Variants in FREM2 observed in about 807,000 individuals in gnomAD.
The protein encoded by FREM2 is FRAS1 related extracellular matrix 2.
FREM2 carries 119 observed loss-of-function variants against 219.9 expected under a neutral mutation model. The ratio of observed to expected loss-of-function variants is 0.54; its 90% CI spans 0.47 to 0.63. FREM2 has a LOEUF of 0.63. FREM2 is among the 30% of genes least tolerant of loss of function. The pLI, the probability that FREM2 is intolerant of heterozygous loss-of-function variation, is 0.00. For synonymous variants in FREM2, 1,562 were observed against 1,522.8 expected (o/e 1.03, Z -0.60); for missense variants, 4,030 against 3,993.6 (o/e 1.01, Z -0.25).
intron 2 of FREM2, among the ~76,000 whole-genome samples, chr13:38,750,551 A>G (rs1213978424): frequency 1.3e-5 from 2 of 152,148 alleles, no homozygotes; most frequent in Non-Finnish European, 2.9e-5. Flanking sequence ...AATTGATTCC[A>G]TATATTGGCT....
In FREM2 at chr13:38,689,197, C is replaced by A. The variant is rs778594343; in HGVS notation, c.1853C>A (p.Pro618His). The A allele has an allele frequency of 6.2e-7, 1 of 1,614,082 alleles. No homozygotes were observed. The highest frequency in any genetic ancestry group is 1.1e-5 in the South Asian group (1 of 91,080). ...CTGCTTCTCCGCCAAACTCACCCTC[C>A]CCATGAGAAGCAGGAACTTCTCAGA... ...GHLLLRQTHP[P>H]HEKQELLRGL... The change falls in exon 1 of 24, where the codon CCC (proline) becomes CAC (histidine). Residue 618 changes from proline (P) to histidine (H), a missense_variant. Around this residue, in one of 2 missense-constraint regions of FREM2, gnomAD observed 3,102 missense variants for 2,950.7 expected, o/e 1.05. Transcript: ENST00000280481.
chr13:38,795,815 G>A (rs1351685129), intron 6 of FREM2, among the ~76,000 whole-genome samples: 1 of 151,906 alleles, frequency 6.6e-6, no homozygotes, highest in Non-Finnish European at 1.5e-5. Flanking sequence ...AATTTCTTTA[G>A]CTCCCACTTA....
intron 2 of FREM2, among the ~76,000 whole-genome samples, chr13:38,727,304 G>A (rs1871567272): frequency 6.6e-6 from 1 of 152,084 alleles, no homozygotes; most frequent in South Asian, 2.1e-4. Context: ...TCTACATGGT[G>A]AAACCCCGTC....
intron 2 of FREM2, among the ~76,000 whole-genome samples, chr13:38,712,677 A>AAAC (rs1566113898): frequency 8.6e-6 from 1 of 115,776 alleles, no homozygotes. Context: ...CACACACACA[A>AAAC]ACACACACAC....
At position 38,877,178 on chromosome 13, in the gene FREM2, A is replaced by G; in HGVS notation, c.8606A>G (p.Lys2869Arg). ...LNTQMYLLSK[K>R]SLWLSDGSMG... ...ACCCAAATGTACCTGCTCTCTAAGAAGAGTCTCTGGTTGTCTGATGGATCC... is the reference window on the plus strand; with the variant it reads ...ACCCAAATGTACCTGCTCTCTAAGAGGAGTCTCTGGTTGTCTGATGGATCC... Residue 2869 changes from lysine (K) to arginine (R), a missense_variant, in exon 21 of 24, where the codon AAG (lysine) becomes AGG (arginine). By Grantham distance (26) the Lys-to-Arg change is conservative (BLOSUM62 2). Around this residue, in one of 2 missense-constraint regions of FREM2, gnomAD observed 928 missense variants for 1,042.9 expected, o/e 0.89. Coordinates refer to ENST00000280481, the MANE Select transcript of FREM2 (RefSeq NM_207361.6). The G allele has an allele frequency of 6.2e-7, 1 of 1,614,110 alleles. No individual in the cohort carries two copies. Among genetic ancestry groups the G allele is most frequent in the Non-Finnish European group, 8.5e-7 (1 of 1,179,948 alleles).
chr13:38,757,701 TCTC>T (rs1873069262), intron 2 of FREM2, among the ~76,000 whole-genome samples: 1 of 151,980 alleles, frequency 6.6e-6, no homozygotes, highest in African/African-American at 2.4e-5. Context: ...TTCAAGCAAT[TCTC>T]CTGTCTCAGC....
At chr13:38,796,383 A>G (rs1874783318) in intron 6 of FREM2, among the ~76,000 whole-genome samples, 1 of 152,194 alleles carries the variant, frequency 6.6e-6, no homozygotes, top group African/African-American at 2.4e-5. Flanking sequence ...CTCAGATGGT[A>G]GGGGAAAGTA....
chr13:38,856,242 A>G lies in FREM2; in HGVS notation c.7042A>G (p.Ile2348Val), dbSNP rs1877556334. Residue 2348 changes from isoleucine to valine, a missense_variant, in exon 12 of 24, where the codon ATA becomes GTA. Around this residue, in one of 2 missense-constraint regions of FREM2, gnomAD observed 928 missense variants for 1,042.9 expected, o/e 0.89. Transcript: ENST00000280481. ...TVHLKPDENM[I>V]AEMQLTKAIV... Reference sequence around the variant, plus strand: ...TCACCTAAAACCTGATGAAAATATGATAGCAGAGATGCAGGTAAGTAATGT... The same window carrying G: ...TCACCTAAAACCTGATGAAAATATGGTAGCAGAGATGCAGGTAAGTAATGT... 6.2e-7 allele frequency: 1 copy of G among 1,612,632 alleles called. No individual in the cohort carries two copies.
chr13:38,880,296 C>T lies in FREM2; in HGVS notation c.9019C>T (p.Arg3007Ter), dbSNP rs1242415839. 9 of 1,613,362 alleles carry T rather than the reference C, an allele frequency of 5.6e-6. No individual in the cohort carries two copies. Among genetic ancestry groups the T allele is most frequent in the African/African-American group, 4.0e-5 (3 of 74,722 alleles). Residue 3007 changes from arginine to a stop codon, truncating the protein, a stop_gained, in exon 24 of 24, where the codon CGA becomes TGA. Transcript: ENST00000280481. LOFTEE classifies it low-confidence loss of function (END_TRUNC). ...STPLFQVALGREWYIHTIYTV... is the reference protein window; with the variant it reads ...STPLFQVALG ...TTGTGCTTTCTAGGTCGCTCTAGGCCGAGAATGGTATATACATACGATCTA... is the reference window on the plus strand; with the variant it reads ...TTGTGCTTTCTAGGTCGCTCTAGGCTGAGAATGGTATATACATACGATCTA...
rs1566149240 is a variant in FREM2, at chr13:38,807,225, ATATG to A, written c.6019+22422_6019+22425del. Among the ~76,000 whole-genome samples the A allele has an allele frequency of 2.7e-4, 34 of 125,224 alleles. 4 individuals carry two copies. Among genetic ancestry groups the A allele is most frequent in the East Asian group, 9.6e-4 (3 of 3,136 alleles). The allele number at this position is 125,224 out of a possible 152,430, so 82.2% of individuals were successfully genotyped here. A position where few individuals can be genotyped will look rare whatever the true frequency, so the allele number is the denominator to read the frequency against. ...TATATATATATATATATATATATATATATGTATGGTTTTGTTTTGTTTTGTTTTT... is the reference window on the plus strand; with the variant it reads ...TATATATATATATATATATATATATATATGGTTTTGTTTTGTTTTGTTTTT... On this transcript the variant is annotated intron_variant, in intron 6 of 23. Coordinates refer to ENST00000280481, the MANE Select transcript of FREM2 (RefSeq NM_207361.6).
chr13:38,872,672 G>T, intron 16 of FREM2, 70 bp from the exon 17 acceptor site: 1 of 1,288,814 alleles, frequency 7.8e-7, no homozygotes, highest in Non-Finnish European at 1.1e-6. Flanking sequence ...AAGAGAAAAT[G>T]GCTTGTACAA....
At chr13:38,751,456 G>A (rs1358413037) in intron 2 of FREM2, among the ~76,000 whole-genome samples, 1 of 151,806 alleles carries the variant, frequency 6.6e-6, no homozygotes, top group Non-Finnish European at 1.5e-5. Flanking sequence ...TCTTATTGCT[G>A]CCCACACACA....
At chr13:38,795,749 C>T (rs117799852) in intron 6 of FREM2, among the ~76,000 whole-genome samples, 335 of 152,280 alleles carry the variant, frequency 2.2e-3, no homozygotes, top group Middle Eastern at 6.8e-3. Context: ...CTCCCATCCA[C>T]ATACCCTTCC....
chr13:38,871,067 C>T (rs1266774459), intron 16 of FREM2, among the ~76,000 whole-genome samples: 2 of 152,108 alleles, frequency 1.3e-5, no homozygotes, highest in African/African-American at 4.8e-5. Context: ...TAATAACAGC[C>T]GCCCATAGAA....
rs1877319817 is a variant in FREM2 at position 38,850,201 on chromosome 13, A to T, written c.6543A>T (p.Pro2181=). Residue 2181 remains proline (P), a synonymous_variant, in exon 9 of 24, where the codon CCA becomes CCT. Coordinates refer to ENST00000280481, the MANE Select transcript of FREM2 (RefSeq NM_207361.6). ...TGATGATGGACTTTGAAGAACGCCC[A>T]AACACTGATACCTCCATCATCACAT... ...AQVMMDFEER[P]NTDTSIITFL... 6.2e-6 allele frequency: 10 copies of T among 1,613,972 alleles called. No homozygotes were observed. Among genetic ancestry groups the T allele is most frequent in the Middle Eastern group, 1.7e-4 (1 of 6,058 alleles).
Position 38,769,723 on chromosome 13 carries a change from C to G in FREM2, c.5556C>G (p.Thr1852=), listed in dbSNP as rs770595844. The G allele has an allele frequency of 1.2e-6, 2 of 1,614,146 alleles. No homozygotes were observed. Among genetic ancestry groups the G allele is most frequent in the Non-Finnish European group, 1.7e-6 (2 of 1,180,006 alleles). ...LSDGEHEQSE[T]FQVVLSEPVL... The stretch of plus-strand genomic sequence containing the variant: ...ATGGGGAGCATGAGCAGTCTGAAAC[C>G]TTTCAGGTGGTACTCTCAGAGCCCG... Residue 1852 remains threonine, a synonymous_variant, in exon 4 of 24, where the codon ACC becomes ACG. Coordinates refer to ENST00000280481, the MANE Select transcript of FREM2 (RefSeq NM_207361.6).
intron 20 of FREM2, among the ~76,000 whole-genome samples, chr13:38,876,762 T>C (rs1566175815): frequency 6.6e-6 from 1 of 152,234 alleles, no homozygotes; most frequent in South Asian, 2.1e-4. Context: ...AAGTACCTAA[T>C]TGCCATTATG....
At chr13:38,759,465 A>AC in intron 2 of FREM2, among the ~76,000 whole-genome samples, 1 of 151,672 alleles carries the variant, frequency 6.6e-6, no homozygotes, top group African/African-American at 2.4e-5. Flanking sequence ...AAAAAAAAAA[A>AC]CGACTGAGTT....
intron 2 of FREM2, among the ~76,000 whole-genome samples, chr13:38,717,609 G>A (rs1477256110): frequency 6.6e-6 from 1 of 150,928 alleles, no homozygotes; most frequent in East Asian, 1.9e-4. Context: ...TACAGACAGG[G>A]TTTCACCATG....
Sources: allele counts gnomAD v4.1 joint callset (sites outside exome capture counted in the v4.1 genomes callset), GRCh38; gene constraint gnomAD v4.1.1; regional missense constraint gnomAD v4.1.1; transcripts MANE v1.5; gene names NCBI Gene and HGNC (gene_info 2026-07-23, HGNC 2026-07-21).